Variants in GRIK3 observed in about 807,000 individuals in gnomAD.
The protein encoded by GRIK3 is glutamate receptor ionotropic, kainate 3.
Under a neutral mutation model 102.5 loss-of-function variants are expected in GRIK3, and 29 were observed. The ratio of observed to expected loss-of-function variants is 0.28; its 90% CI spans 0.21 to 0.39. The LOEUF (loss-of-function observed/expected upper bound fraction) is 0.39, where lower values mean the gene tolerates loss of function less well. GRIK3 is among the 10% of genes least tolerant of loss of function. The pLI, the probability that GRIK3 is intolerant of heterozygous loss-of-function variation, is 1.00. For missense variants in GRIK3, 908 were observed against 1,252.4 expected, an observed-to-expected ratio of 0.73 and a Z score of 4.15; for synonymous variants, 511 against 504.9, an observed-to-expected ratio of 1.01 and a Z score of -0.16.
chr1:36,995,115 C>T (rs1480271225), intron 1 of GRIK3, among the ~76,000 whole-genome samples: 1 of 152,178 alleles, frequency 6.6e-6, no homozygotes, highest in Non-Finnish European at 1.5e-5. Flanking sequence ...ACCTACAGAG[C>T]CATCTAGATC....
chr1:36,815,140 G>T (rs1056889140), intron 13 of GRIK3, among the ~76,000 whole-genome samples: 1 of 152,228 alleles, frequency 6.6e-6, no homozygotes. Flanking sequence ...TTCCCAACAT[G>T]CCTTTGATAA....
intron 1 of GRIK3, among the ~76,000 whole-genome samples, chr1:36,975,308 T>TTGGG (rs1642184477): frequency 6.7e-6 from 1 of 149,230 alleles, no homozygotes; most frequent in Non-Finnish European, 1.5e-5. Context: ...TTTTTTTTTT[T>TTGGG]GAGAGGGAGT....
At chr1:37,033,778 C>A (rs112799425) in intron 1 of GRIK3, among the ~76,000 whole-genome samples, 3 of 152,330 alleles carry the variant, frequency 2.0e-5, no homozygotes, top group African/African-American at 7.2e-5. Context: ...AAGGGCCCCT[C>A]GCCCACTGCG....
At chr1:36,962,339 G>A (rs1642018849) in intron 1 of GRIK3, among the ~76,000 whole-genome samples, 1 of 152,128 alleles carries the variant, frequency 6.6e-6, no homozygotes. Flanking sequence ...TCCATTCCCA[G>A]AAACAAGCCA....
intron 11 of GRIK3, among the ~76,000 whole-genome samples, chr1:36,821,289 C>T (rs72668148): frequency 7.7e-4 from 117 of 152,316 alleles, no homozygotes; most frequent in Non-Finnish European, 1.3e-3. Context: ...TGGTTAGAGG[C>T]TCTAAAATCC....
At chr1:36,866,462 T>A (rs1640786392) in intron 5 of GRIK3, among the ~76,000 whole-genome samples, 1 of 152,216 alleles carries the variant, frequency 6.6e-6, no homozygotes, top group African/African-American at 2.4e-5. Flanking sequence ...CACGTTTCTA[T>A]AAAACTGGGA....
intron 1 of GRIK3, among the ~76,000 whole-genome samples, chr1:36,919,136 G>A (rs1405231957): frequency 6.6e-6 from 1 of 152,070 alleles, no homozygotes; most frequent in African/African-American, 2.4e-5. Flanking sequence ...TCAGTGCTGG[G>A]GTAGAAAAAT....
At chr1:36,815,997 C>T (rs954047317) in intron 13 of GRIK3, among the ~76,000 whole-genome samples, 1 of 152,130 alleles carries the variant, frequency 6.6e-6, no homozygotes, top group African/African-American at 2.4e-5. Flanking sequence ...GATCAGCTCA[C>T]CTCGGCCTCC....
intron 1 of GRIK3, among the ~76,000 whole-genome samples, chr1:36,973,943 G>A (rs112952579): frequency 0.031 from 4,667 of 152,212 alleles, 242 homozygotes; most frequent in African/African-American, 0.11. Flanking sequence ...GGAAGTGTGA[G>A]GGGGAAGTAA....
Position 36,840,448 on chromosome 1 carries a change from C to T in GRIK3, c.1530+1288G>A, listed in dbSNP as rs1056267324. Among the ~76,000 whole-genome samples, 4 of 149,310 alleles carry T rather than the reference C, an allele frequency of 2.7e-5. No homozygotes were observed. The East Asian group carries it at 8.0e-4, about 30-fold the overall frequency. On this transcript the variant is annotated intron_variant, in intron 10 of 15. Coordinates refer to ENST00000373091, the MANE Select transcript of GRIK3 (RefSeq NM_000831.4). Reference sequence around the variant, plus strand: ...CTATTTTAGGCAGGGCATGGTGGCTCATGCCTGTAATCTCAGCACTTTGGG... The same window carrying T: ...CTATTTTAGGCAGGGCATGGTGGCTTATGCCTGTAATCTCAGCACTTTGGG...
chr1:36,859,224 C>A lies in GRIK3; in HGVS notation c.988G>T (p.Val330Phe), dbSNP rs754585903. ...MTDAALLYDA[V>F]HIVSVCYQRA... ...TGGTAGCACACGGACACGATATGGA[C>A]GGCGTCGTACAGTAAGGCTGCATCA... is the stretch of plus-strand genomic sequence containing the variant. Residue 330 changes from valine (V) to phenylalanine (F), a missense_variant, in exon 7 of 16, where the codon GTC (valine) becomes TTC (phenylalanine). Physicochemically the swap from Val to Phe is conservative, Grantham distance 50. This residue lies in a region of GRIK3 where 585 missense variants were observed against 824.9 expected (regional missense o/e 0.71). Transcript: ENST00000373091. The A allele has an allele frequency of 6.2e-7, 1 of 1,612,736 alleles. No homozygotes were observed. The highest frequency in any genetic ancestry group is 2.2e-5 in the East Asian group (1 of 44,820).
chr1:36,951,884 G>A lies in GRIK3; in HGVS notation c.116-60788C>T, dbSNP rs375435981. 1.1e-4 allele frequency among the ~76,000 whole-genome samples: 17 copies of A among 152,312 alleles called. No individual in the cohort carries two copies. The East Asian group carries it at 1.4e-3, about 12-fold the overall frequency. On this transcript the variant is annotated intron_variant, in intron 1 of 15. Coordinates refer to ENST00000373091, the MANE Select transcript of GRIK3 (RefSeq NM_000831.4). ...AGGGGCGGGAGGACCACAGGAGGCA[G>A]GGCAGGTAGAGGGCAGCTGCCCCAT... is the stretch of plus-strand genomic sequence containing the variant.
At chr1:37,023,772 A>C (rs1428106451) in intron 1 of GRIK3, among the ~76,000 whole-genome samples, 1 of 152,224 alleles carries the variant, frequency 6.6e-6, no homozygotes, top group African/African-American at 2.4e-5. Context: ...ACCATACTAT[A>C]GGCTAATAAC....
At position 36,817,070 on chromosome 1, in the gene GRIK3, G is replaced by A. The variant is rs1396533611; in HGVS notation, c.2081C>T (p.Thr694Ile). 4.3e-6 allele frequency: 7 copies of A among 1,611,834 alleles called. No individual in the cohort carries two copies. In the African/African-American group the frequency reaches 5.3e-5, roughly 12 times the overall value. The change falls in exon 13 of 16, where the codon ACC becomes ATC. Residue 694 changes from threonine to isoleucine, a missense_variant. Thr to Ile is a moderately conservative substitution (Grantham distance 89, BLOSUM62 -1). Transcript: ENST00000373091. ...YGAVKDGATM[T>I]FFKKSKISTF... ...GGGAGAGGGCCTCACCTTGAAGAAG[G>A]TCATGGTGGCCCCATCCTTGACAGC... is the stretch of plus-strand genomic sequence containing the variant.
At chr1:36,860,155 CG>C (rs1399020642) in intron 5 of GRIK3, 138 bp from the exon 6 acceptor site, 12 of 621,752 alleles carry the variant, frequency 1.9e-5, no homozygotes, top group East Asian at 5.7e-5. Context: ...AGAGGGGGTG[CG>C]GGATATCGGG....
At chr1:36,862,152 G>A (rs1304545357) in intron 5 of GRIK3, among the ~76,000 whole-genome samples, 2 of 152,152 alleles carry the variant, frequency 1.3e-5, no homozygotes, top group Non-Finnish European at 2.9e-5. Context: ...GCTGCCACTG[G>A]CTCACACTGG....
At chr1:36,929,410 G>T (rs1161012024) in intron 1 of GRIK3, among the ~76,000 whole-genome samples, 1 of 152,128 alleles carries the variant, frequency 6.6e-6, no homozygotes, top group African/African-American at 2.4e-5. Flanking sequence ...AGATCCTGGG[G>T]TTAACAAGCA....
chr1:36,996,267 C>T (rs1642418462), intron 1 of GRIK3, among the ~76,000 whole-genome samples: 1 of 152,240 alleles, frequency 6.6e-6, no homozygotes, highest in African/African-American at 2.4e-5. Flanking sequence ...CATAAAATCA[C>T]ACCTAGCTAA....
intron 1 of GRIK3, among the ~76,000 whole-genome samples, chr1:36,943,884 T>C (rs993926885): frequency 6.6e-6 from 1 of 152,250 alleles, no homozygotes; most frequent in Non-Finnish European, 1.5e-5. Context: ...TGAGCTGGTC[T>C]GCTGCAAGCA....
Sources: gnomAD v4.1 joint callset for allele counts (sites outside exome capture counted in the v4.1 genomes callset) on GRCh38, gnomAD v4.1.1 for gene constraint, gnomAD v4.1.1 regional missense constraint, MANE v1.5 for transcripts, NCBI Gene and HGNC (gene_info 2026-07-23, HGNC 2026-07-21) for gene names.